The following FAM135B variants were observed in gnomAD, a reference collection of about 807,000 sequenced individuals.
FAM135B encodes the protein family with sequence similarity 135 member B, also known as protein FAM135B.
Under a neutral mutation model 127.7 loss-of-function variants are expected in FAM135B, and 43 were observed. The ratio of observed to expected loss-of-function variants is 0.34; its 90% CI spans 0.26 to 0.43. FAM135B has a LOEUF of 0.43. FAM135B is among the 20% of genes least tolerant of loss of function. FAM135B has a pLI of 1.00. For synonymous variants in FAM135B, 670 were observed against 665.1 expected (o/e 1.01, Z -0.11); for missense variants, 1,558 against 1,725.6 (o/e 0.90, Z 1.72).
At position 138,177,527 on chromosome 8, in the gene FAM135B, G is replaced by A. The variant is rs116562582; in HGVS notation, c.1030-107C>T. ...AAAGATGAATGATATTTCCTAATAG[G>A]AAGAGAGCCAGGCCCCTGACCTGAA... On this transcript the variant is annotated intron_variant, in intron 10 of 19. Transcript: ENST00000395297. The A allele has an allele frequency of 8.5e-4, 855 of 1,000,350 alleles. 7 individuals are homozygous for A. In the African/African-American group the frequency reaches 0.011, roughly 13 times the overall value. The allele number at this position is 1,000,350 out of a possible 1,614,324, so 62.0% of individuals were successfully genotyped here.
intron 1 of FAM135B, among the ~76,000 whole-genome samples, chr8:138,467,360 G>T (rs74924687): frequency 0.023 from 3,499 of 152,232 alleles, 108 homozygotes; most frequent in East Asian, 0.078. Context: ...AAATATGGTA[G>T]TCACTAGCCA....
intron 2 of FAM135B, among the ~76,000 whole-genome samples, chr8:138,363,176 C>A (rs1199846019): frequency 1.3e-5 from 2 of 152,068 alleles, no homozygotes; most frequent in African/African-American, 4.8e-5. Flanking sequence ...GTCATGACAA[C>A]CTTTTTGGGT....
chr8:138,295,482 G>T (rs754950204), intron 3 of FAM135B, among the ~76,000 whole-genome samples: 1 of 152,098 alleles, frequency 6.6e-6, no homozygotes, highest in Non-Finnish European at 1.5e-5. Flanking sequence ...ATCTGCAGGG[G>T]CCAAGGGAGG....
chr8:138,181,288 C>T (rs536240908), intron 9 of FAM135B, among the ~76,000 whole-genome samples: 16 of 152,126 alleles, frequency 1.1e-4, no homozygotes, highest in African/African-American at 2.2e-4. Context: ...GGGAATATGG[C>T]GGACAGGGTC....
intron 7 of FAM135B, among the ~76,000 whole-genome samples, chr8:138,218,927 A>G (rs1280252977): frequency 6.6e-6 from 1 of 152,254 alleles, no homozygotes; most frequent in Non-Finnish European, 1.5e-5. Context: ...AAATTGAACC[A>G]AAATAGAAAA....
intron 1 of FAM135B, among the ~76,000 whole-genome samples, chr8:138,433,038 G>C (rs1002974639): frequency 1.3e-5 from 2 of 152,100 alleles, no homozygotes; most frequent in Non-Finnish European, 2.9e-5. Flanking sequence ...AGGCAGGAGA[G>C]CAGTCCACTG....
intron 1 of FAM135B, among the ~76,000 whole-genome samples, chr8:138,403,379 C>A (rs942830710): frequency 2.6e-5 from 4 of 152,068 alleles, no homozygotes; most frequent in Non-Finnish European, 5.9e-5. Flanking sequence ...ACCCGGATAT[C>A]ATTCATGATA....
intron 7 of FAM135B, among the ~76,000 whole-genome samples, chr8:138,240,414 T>C (rs1563807466): frequency 6.6e-6 from 1 of 152,210 alleles, no homozygotes; most frequent in Non-Finnish European, 1.5e-5. Context: ...TCAGCAGAGA[T>C]GCCCCTCACT....
At chr8:138,287,938 G>A (rs373306624) in intron 3 of FAM135B, among the ~76,000 whole-genome samples, 13 of 152,122 alleles carry the variant, frequency 8.5e-5, no homozygotes, top group Non-Finnish European at 1.9e-4. Flanking sequence ...CTTGGATTCC[G>A]GTAATAATCC....
At chr8:138,218,755 A>G (rs867642799) in intron 7 of FAM135B, among the ~76,000 whole-genome samples, 694 of 57,324 alleles carry the variant, frequency 0.012, 5 homozygotes, top group African/African-American at 0.039. Context: ...ACTTACACGC[A>G]CACACACACA....
At chr8:138,362,812 C>A in intron 2 of FAM135B, among the ~76,000 whole-genome samples, 1 of 152,192 alleles carries the variant, frequency 6.6e-6, no homozygotes, top group Non-Finnish European at 1.5e-5. Context: ...CAGCCTCTCT[C>A]ATTAGCTGGT....
At chr8:138,345,711 G>T (rs946112631) in intron 2 of FAM135B, among the ~76,000 whole-genome samples, 4 of 152,192 alleles carry the variant, frequency 2.6e-5, no homozygotes, top group African/African-American at 9.6e-5. Flanking sequence ...AAACTGAGAG[G>T]AGGGGAGAGT....
chr8:138,421,965 A>G (rs747933198), intron 1 of FAM135B, among the ~76,000 whole-genome samples: 1 of 152,140 alleles, frequency 6.6e-6, no homozygotes, highest in Non-Finnish European at 1.5e-5. Context: ...AACAGGTTAG[A>G]GAACTCAGAA....
At chr8:138,290,135 C>T (rs1389786978) in intron 3 of FAM135B, among the ~76,000 whole-genome samples, 3 of 152,154 alleles carry the variant, frequency 2.0e-5, no homozygotes, top group African/African-American at 7.2e-5. Context: ...GAATCATCAC[C>T]GAGTCCCCCT....
rs545197086 is a variant in FAM135B, at chr8:138,192,946, T to C, written c.873+2312A>G. On this transcript the variant is annotated intron_variant, in intron 9 of 19. Transcript: ENST00000395297. ...TTACAGATAAGAACATCGAGGTTCA[T>C]AAAGATTAAGCAACTTGCCTAAAGT... Among the ~76,000 whole-genome samples the C allele has an allele frequency of 5.2e-4, 79 of 152,300 alleles. 1 individual carries two copies. The Middle Eastern group carries it at 0.014, about 26-fold the overall frequency.
intron 12 of FAM135B, 75 bp from the exon 13 acceptor site, chr8:138,153,291 G>C (rs1193503604): frequency 2.4e-6 from 3 of 1,230,178 alleles, no homozygotes; most frequent in Non-Finnish European, 3.3e-6. Flanking sequence ...ATGTCTAACT[G>C]TATAATAAAG....
intron 3 of FAM135B, among the ~76,000 whole-genome samples, chr8:138,268,388 T>TAA (rs1823108817): frequency 6.6e-6 from 1 of 152,180 alleles, no homozygotes; most frequent in Non-Finnish European, 1.5e-5. Context: ...TAATGGGTAT[T>TAA]TACTGAAAGT....
At chr8:138,357,321 A>G (rs1397666299) in intron 2 of FAM135B, among the ~76,000 whole-genome samples, 1 of 152,162 alleles carries the variant, frequency 6.6e-6, no homozygotes, top group African/African-American at 2.4e-5. Context: ...AATAAATTAT[A>G]ATAGAATCAC....
intron 2 of FAM135B, among the ~76,000 whole-genome samples, chr8:138,315,879 G>T (rs1827051368): frequency 6.6e-6 from 1 of 152,076 alleles, no homozygotes; most frequent in African/African-American, 2.4e-5. Flanking sequence ...AAGAAGAAAT[G>T]GGGAAATGTA....
Sources: allele counts gnomAD v4.1 joint callset (sites outside exome capture counted in the v4.1 genomes callset), GRCh38; gene constraint gnomAD v4.1.1; transcripts MANE v1.5; gene names NCBI Gene and HGNC (gene_info 2026-07-23, HGNC 2026-07-21).